Variants in ASIC2 observed in about 807,000 individuals in gnomAD.
ASIC2 encodes the protein acid-sensing ion channel 2.
In ASIC2, 25 loss-of-function variants were observed where a neutral mutation model predicts 57.3. That is an observed-to-expected ratio of 0.44 (90% confidence interval 0.32 to 0.61). ASIC2 has a LOEUF of 0.61. Ranked by LOEUF, ASIC2 falls within the 20% of genes least tolerant of loss-of-function variation. The pLI is 0.06. For missense variants in ASIC2, 641 were observed against 738.1 expected (o/e 0.87, Z 1.52); for synonymous variants, 319 against 307.5 (o/e 1.04, Z -0.39).
At chr17:33,580,945 A>G (rs1347644610) in intron 1 of ASIC2, among the ~76,000 whole-genome samples, 2 of 152,240 alleles carry the variant, frequency 1.3e-5, no homozygotes, top group Admixed American at 1.3e-4. Context: ...TGCGGTAGGC[A>G]AAATTTTTAA....
At chr17:33,972,786 T>G (rs1014839553) in intron 1 of ASIC2, among the ~76,000 whole-genome samples, 2 of 152,224 alleles carry the variant, frequency 1.3e-5, no homozygotes, top group Non-Finnish European at 2.9e-5. Context: ...TAACACAAGC[T>G]TTAGGTCTCA....
At chr17:33,971,725 A>G (rs572005446) in intron 1 of ASIC2, among the ~76,000 whole-genome samples, 4 of 152,330 alleles carry the variant, frequency 2.6e-5, no homozygotes, top group Admixed American at 2.6e-4. Flanking sequence ...TAACCCAAAA[A>G]GATTAAGAGG....
intron 1 of ASIC2, among the ~76,000 whole-genome samples, chr17:34,127,306 T>C (rs961575222): frequency 2.0e-5 from 3 of 152,148 alleles, no homozygotes; most frequent in Non-Finnish European, 4.4e-5. Context: ...GCCCAGTCTG[T>C]CTCTAACTCT....
chr17:33,287,772 C>A (rs1429088311), intron 1 of ASIC2, among the ~76,000 whole-genome samples: 2 of 152,172 alleles, frequency 1.3e-5, no homozygotes, highest in Admixed American at 6.5e-5. Flanking sequence ...CCCCCAAAGG[C>A]CTCCTCTAGA....
At chr17:33,493,807 C>G (rs1326118387) in intron 1 of ASIC2, among the ~76,000 whole-genome samples, 1 of 152,172 alleles carries the variant, frequency 6.6e-6, no homozygotes, top group African/African-American at 2.4e-5. Flanking sequence ...TCCAGGCCAG[C>G]TGCATTCAAG....
chr17:33,188,367 G>A (rs1414232163), intron 1 of ASIC2, among the ~76,000 whole-genome samples: 2 of 152,044 alleles, frequency 1.3e-5, no homozygotes, highest in Non-Finnish European at 2.9e-5. Flanking sequence ...TTGGAGTCCT[G>A]GAAGAAGGGA....
chr17:33,838,412 C>T (rs2036246244), intron 1 of ASIC2, among the ~76,000 whole-genome samples: 1 of 152,132 alleles, frequency 6.6e-6, no homozygotes, highest in Non-Finnish European at 1.5e-5. Flanking sequence ...ATGTTCTTTA[C>T]CCCTGAATAG....
chr17:33,926,807 C>T (rs572180234), intron 1 of ASIC2, among the ~76,000 whole-genome samples: 1 of 152,364 alleles, frequency 6.6e-6, no homozygotes, highest in East Asian at 1.9e-4. Flanking sequence ...CAATGGCAGG[C>T]TGATTACCTG....
intron 1 of ASIC2, among the ~76,000 whole-genome samples, chr17:33,487,334 C>A (rs1306159015): frequency 6.6e-6 from 1 of 152,138 alleles, no homozygotes; most frequent in East Asian, 1.9e-4. Flanking sequence ...AGGAGGGGCC[C>A]CACATTGATA....
chr17:33,820,283 A>G (rs921210039), intron 1 of ASIC2, among the ~76,000 whole-genome samples: 2 of 152,370 alleles, frequency 1.3e-5, no homozygotes, highest in East Asian at 1.9e-4. Flanking sequence ...AATACAGACC[A>G]GTTATTTTCA....
chr17:33,585,662 T>C (rs1904601685), intron 1 of ASIC2, among the ~76,000 whole-genome samples: 1 of 152,192 alleles, frequency 6.6e-6, no homozygotes, highest in Admixed American at 6.5e-5. Context: ...CTGCAGGGAA[T>C]ATAAATAAGA....
chr17:34,116,855 G>C (rs1028544547), intron 1 of ASIC2, among the ~76,000 whole-genome samples: 1 of 152,068 alleles, frequency 6.6e-6, no homozygotes, highest in Non-Finnish European at 1.5e-5. Context: ...AAGTGTGTGT[G>C]GGGGGAGGAG....
At chr17:33,016,156 C>CCGTA (rs755208807) in intron 8 of ASIC2, 117 bp from the exon 9 acceptor site, 83 of 922,662 alleles carry the variant, frequency 9.0e-5, no homozygotes, top group Admixed American at 5.0e-4. Flanking sequence ...GCTGAACATA[C>CCGTA]CGTAGCACAA....
chr17:33,578,692 C>A (rs966623239), intron 1 of ASIC2, among the ~76,000 whole-genome samples: 10 of 152,172 alleles, frequency 6.6e-5, no homozygotes, highest in Non-Finnish European at 8.8e-5. Flanking sequence ...CTTCCCTACA[C>A]CAACTCTACA....
intron 1 of ASIC2, among the ~76,000 whole-genome samples, chr17:34,068,516 C>T (rs1225901031): frequency 6.6e-6 from 1 of 152,174 alleles, no homozygotes; most frequent in African/African-American, 2.4e-5. Flanking sequence ...CCCACCTCTG[C>T]CACTAAATAA....
intron 3 of ASIC2, among the ~76,000 whole-genome samples, chr17:33,054,382 C>T (rs1045714274): frequency 4.6e-5 from 7 of 152,204 alleles, no homozygotes; most frequent in African/African-American, 1.4e-4. Context: ...GCCTCAGTTT[C>T]CCCATAGGTA....
chr17:34,004,441 G>C (rs993011523), intron 1 of ASIC2: 1 of 152,218 alleles, frequency 6.6e-6, no homozygotes, highest in African/African-American at 2.4e-5. Flanking sequence ...CTGTCTTGTC[G>C]TTCTTGTTCT....
intron 1 of ASIC2, among the ~76,000 whole-genome samples, chr17:33,582,027 T>G (rs2142000240): frequency 6.6e-6 from 1 of 152,328 alleles, no homozygotes; most frequent in Non-Finnish European, 1.5e-5. Context: ...CAGCACCAAT[T>G]GTCCTTAAGT....
chr17:34,023,675 G>T (rs1319648002), intron 1 of ASIC2, among the ~76,000 whole-genome samples: 2 of 152,150 alleles, frequency 1.3e-5, no homozygotes, highest in Non-Finnish European at 1.5e-5. Flanking sequence ...GCATCAAGGT[G>T]CCATCTTGGA....
Sources: gnomAD v4.1 joint callset for allele counts (sites outside exome capture counted in the v4.1 genomes callset) on GRCh38, gnomAD v4.1.1 for gene constraint, MANE v1.5 for transcripts, NCBI Gene and HGNC (gene_info 2026-07-23, HGNC 2026-07-21) for gene names.